Variants in BUB1B observed in about 807,000 individuals in gnomAD.
BUB1B encodes the protein BUB1 mitotic checkpoint serine/threonine kinase B.
A neutral mutation model predicts 137.7 loss-of-function variants in BUB1B; 86 were observed. That is an observed-to-expected ratio of 0.62 (90% CI 0.52 to 0.75). The LOEUF (loss-of-function observed/expected upper bound fraction) is 0.75. Ranked by LOEUF, BUB1B falls within the 30% of genes least tolerant of loss-of-function variation. The probability of loss-of-function intolerance (pLI) is 0.00; values close to 1 mark genes in which losing one functional copy is unlikely to be tolerated. For missense variants in BUB1B, 1,130 were observed against 1,236.9 expected, an observed-to-expected ratio of 0.91 and a Z score of 1.30; for synonymous variants, 420 against 417.9, an observed-to-expected ratio of 1.00 and a Z score of -0.06.
At chr15:40,173,144 A>G (rs1263865307) in intron 4 of BUB1B, among the ~76,000 whole-genome samples, 3 of 151,830 alleles carry the variant, frequency 2.0e-5, no homozygotes, top group Non-Finnish European at 4.4e-5. Flanking sequence ...AATTAGCCGC[A>G]CGTGGTGGTG....
chr15:40,185,195 C>G lies in BUB1B; in HGVS notation c.782C>G (p.Pro261Arg). 6.2e-7 allele frequency: 1 copy of G among 1,614,130 alleles called. No homozygotes were observed. Among genetic ancestry groups the G allele is most frequent in the Non-Finnish European group, 8.5e-7 (1 of 1,180,010 alleles). ...AGCCAGAACAGAGGACTCCAAAATC[C>G]ATTTCCTCAACAGATGCAAAATAAT... ...APSQNRGLQN[P>R]FPQQMQNNSR... is the part of the protein sequence containing the mutation. The change falls in exon 7 of 23, where the codon CCA (proline) becomes CGA (arginine). Residue 261 changes from proline (P) to arginine (R), a missense_variant. Physicochemically the swap from Pro to Arg is moderately radical, Grantham distance 103 (BLOSUM62 -2). Coordinates refer to ENST00000287598, the MANE Select transcript of BUB1B (RefSeq NM_001211.6).
intron 22 of BUB1B, among the ~76,000 whole-genome samples, chr15:40,219,551 C>A (rs984017663): frequency 6.6e-6 from 1 of 152,100 alleles, no homozygotes; most frequent in East Asian, 1.9e-4. Context: ...AACCTTGTCT[C>A]TACTCAAAAT....
At position 40,183,769 on chromosome 15, in the gene BUB1B, GA is replaced by G; in HGVS notation, c.638del (p.Glu213GlyfsTer15). Reference sequence around the variant, plus strand: ...TCTGTTGGCACTTGAGAAAGAAGAAGAGGAGGAAGTTTTTGAGTCTTCTGTA... The same window carrying G: ...TCTGTTGGCACTTGAGAAAGAAGAAGGGAGGAAGTTTTTGAGTCTTCTGTA... The part of the protein sequence containing the change: ...QTLLALEKEE[E>X]EEVFESSVPQ... On this transcript the variant is annotated frameshift_variant, in exon 6 of 23. Coordinates refer to ENST00000287598, the MANE Select transcript of BUB1B (RefSeq NM_001211.6). LOFTEE classifies it high-confidence loss of function. 6.2e-7 allele frequency: 1 copy of G among 1,614,102 alleles called. No individual in the cohort carries two copies. Among genetic ancestry groups the G allele is most frequent in the Admixed American group, 1.7e-5 (1 of 60,020 alleles).
At chr15:40,169,221 T>C (rs1241070801) in intron 2 of BUB1B, among the ~76,000 whole-genome samples, 1 of 152,226 alleles carries the variant, frequency 6.6e-6, no homozygotes, top group Non-Finnish European at 1.5e-5. Flanking sequence ...TTTTTTGAGG[T>C]ATTCTCCAAA....
intron 18 of BUB1B, among the ~76,000 whole-genome samples, chr15:40,210,937 A>G (rs1173238450): frequency 1.3e-5 from 2 of 152,048 alleles, no homozygotes; most frequent in Non-Finnish European, 2.9e-5. Context: ...GTTTGTTGTC[A>G]CTTATGTGCT....
chr15:40,186,653 G>A (rs1261979182), intron 8 of BUB1B, among the ~76,000 whole-genome samples: 1 of 150,254 alleles, frequency 6.7e-6, no homozygotes. Flanking sequence ...CACCGTGTTA[G>A]CCAGGATGGT....
intron 8 of BUB1B, among the ~76,000 whole-genome samples, chr15:40,186,427 G>GTTTT (rs2037361975): frequency 1.0e-5 from 1 of 97,358 alleles, no homozygotes; most frequent in African/African-American, 4.5e-5. Context: ...ACATTGCCTA[G>GTTTT]TTCTTTTTTT....
At position 40,206,186 on chromosome 15, in the gene BUB1B, T is replaced by A. The variant is rs1334573227; in HGVS notation, c.1737T>A (p.Asp579Glu). 1 of 1,614,158 alleles carries A rather than the reference T, an allele frequency of 6.2e-7. No individual in the cohort carries two copies. The highest frequency in any genetic ancestry group is 8.5e-7 in the Non-Finnish European group (1 of 1,180,016). Residue 579 changes from aspartate to glutamate, a missense_variant and splice_region_variant, in exon 15 of 23, where the codon GAT becomes GAA. Transcript: ENST00000287598. ...SNEDVSPDVC[D>E]EFTGIEPLSE... ...ACTTTATATGGTCTTTATTTCAGGA[T>A]GAATTTACAGGAATTGAACCCTTGA...
In BUB1B at chr15:40,202,590, C is replaced by T. The variant is rs138332995; in HGVS notation, c.1630C>T (p.Pro544Ser). 2.0e-4 allele frequency: 328 copies of T among 1,613,616 alleles called. No homozygotes were observed. Among genetic ancestry groups the T allele is most frequent in the Non-Finnish European group, 2.7e-4 (316 of 1,179,810 alleles). ...FLLSEKKNKS[P>S]PADPPRVLAQ... The stretch of plus-strand genomic sequence containing the variant: ...TAAGTGAGGTATGTCTTTTTCCAGT[C>T]CTCCTGCAGATCCCCCACGAGTTTT... The change falls in exon 14 of 23, where the codon CCT (proline) becomes TCT (serine). Residue 544 changes from proline (P) to serine (S), a missense_variant and splice_region_variant. Transcript: ENST00000287598.
intron 22 of BUB1B, 38 bp from the exon 23 acceptor site, chr15:40,220,526 T>C (rs1211653625): frequency 1.2e-6 from 2 of 1,601,078 alleles, no homozygotes; most frequent in Admixed American, 3.3e-5. Flanking sequence ...AATTTTCATA[T>C]GCCTAATCTT....
intron 15 of BUB1B, among the ~76,000 whole-genome samples, chr15:40,208,271 C>G (rs867743621): frequency 6.6e-5 from 10 of 152,184 alleles, no homozygotes; most frequent in Admixed American, 6.5e-4. Context: ...GGTGCAGTGG[C>G]TCACGCCTAT....
chr15:40,212,901 T>C (rs1367100995), intron 19 of BUB1B, among the ~76,000 whole-genome samples: 1 of 152,256 alleles, frequency 6.6e-6, no homozygotes, highest in Non-Finnish European at 1.5e-5. Context: ...ACTAGTCATC[T>C]ATGATAATCT....
chr15:40,176,761 G>A (rs1343730101), intron 5 of BUB1B, 88 bp downstream of exon 5: 10 of 1,376,704 alleles, frequency 7.3e-6, no homozygotes, highest in Non-Finnish European at 9.1e-6. Context: ...GCTTTCTGGT[G>A]GATTGGCATG....
At chr15:40,199,035 T>C (rs2037532162) in intron 9 of BUB1B, among the ~76,000 whole-genome samples, 6 of 152,360 alleles carry the variant, frequency 3.9e-5, no homozygotes, top group Admixed American at 3.3e-4. Context: ...TTTGGATTCT[T>C]AGACACAGTG....
At chr15:40,188,758 T>G (rs2037400317) in intron 8 of BUB1B, among the ~76,000 whole-genome samples, 1 of 152,104 alleles carries the variant, frequency 6.6e-6, no homozygotes, top group Middle Eastern at 3.4e-3. Flanking sequence ...AATTTTTGTA[T>G]TTTTAGTAGA....
intron 8 of BUB1B, among the ~76,000 whole-genome samples, chr15:40,193,492 T>C (rs944454842): frequency 9.6e-5 from 14 of 145,486 alleles, no homozygotes; most frequent in South Asian, 2.2e-4. Flanking sequence ...TTTTTTTTTT[T>C]CCCTTAGAGA....
intron 8 of BUB1B, among the ~76,000 whole-genome samples, chr15:40,191,312 C>T (rs951393320): frequency 6.6e-6 from 1 of 152,146 alleles, no homozygotes; most frequent in Non-Finnish European, 1.5e-5. Context: ...GGGGAAACTA[C>T]TCTATTTGGT....
intron 1 of BUB1B, among the ~76,000 whole-genome samples, chr15:40,163,443 A>G (rs1256901084): frequency 6.6e-6 from 1 of 152,212 alleles, no homozygotes; most frequent in African/African-American, 2.4e-5. Flanking sequence ...TATGATAATC[A>G]TATAAATGCA....
At position 40,199,617 on chromosome 15, in the gene BUB1B, G is replaced by A. The variant is rs781689041; in HGVS notation, c.1291G>A (p.Glu431Lys). 9 of 1,613,256 alleles carry A rather than the reference G, an allele frequency of 5.6e-6. No individual in the cohort carries two copies. Among genetic ancestry groups the A allele is most frequent in the Admixed American group, 1.7e-5 (1 of 59,982 alleles). Reference sequence around the variant, plus strand: ...TCAAGCAACTTTACTGTTTCTAGCCGAGCTATTGACCAGTGCAGAGAAGAG... The same window carrying A: ...TCAAGCAACTTTACTGTTTCTAGCCAAGCTATTGACCAGTGCAGAGAAGAG... Reference protein sequence around the residue: ...RKKLKEQREAELLTSAEKRAE... With the variant: ...RKKLKEQREAKLLTSAEKRAE... Residue 431 changes from glutamate (E) to lysine (K), a missense_variant and splice_region_variant, in exon 10 of 23, where the codon GAG becomes AAG. Physicochemically the swap from Glu to Lys is moderately conservative, Grantham distance 56. Coordinates refer to ENST00000287598, the MANE Select transcript of BUB1B (RefSeq NM_001211.6).
Sources: gnomAD v4.1 joint callset for allele counts (sites outside exome capture counted in the v4.1 genomes callset) on GRCh38, gnomAD v4.1.1 for gene constraint, MANE v1.5 for transcripts, NCBI Gene and HGNC (gene_info 2026-07-23, HGNC 2026-07-21) for gene names.